Variants in NOTCH4 observed in about 807,000 individuals in gnomAD.
The protein encoded by NOTCH4 is notch receptor 4, also known as neurogenic locus notch homolog protein 4.
A neutral mutation model predicts 189.0 loss-of-function variants in NOTCH4; 138 were observed. The observed-to-expected ratio is 0.73, with a 90% CI of 0.64 to 0.84. The LOEUF (loss-of-function observed/expected upper bound fraction) is 0.84, where lower values mean the gene tolerates loss of function less well. Among genes scored for constraint, NOTCH4 ranks in the 40% least tolerant of loss-of-function variants. The pLI, the probability that NOTCH4 is intolerant of heterozygous loss-of-function variation, is 0.00. For missense variants in NOTCH4, 2,286 were observed against 2,605.4 expected (o/e 0.88, Z 2.67); for synonymous variants, 942 against 1,032.8 (o/e 0.91, Z 1.69).
rs778409133 is a variant in NOTCH4, at chr6:32,222,788, C to T, written c.174G>A (p.Leu58=). The change falls in exon 3 of 30, where the codon CTG becomes CTA. Residue 58 remains leucine, a synonymous_variant. Coordinates refer to ENST00000375023, the MANE Select transcript of NOTCH4 (RefSeq NM_004557.4). ...GGTCAGGAAACTGGCACGTCTCACC[C>T]AGGAAGCCAGGGGCACACCTGGGCA... The part of the protein sequence containing the change: ...QGTCQCAPGF[L]GETCQFPDPC... 1.2e-5 allele frequency: 19 copies of T among 1,610,134 alleles called. No individual in the cohort carries two copies. The highest frequency in any genetic ancestry group is 4.0e-5 in the African/African-American group (3 of 74,578).
Position 32,196,067 on chromosome 6 carries a change from C to G in NOTCH4, c.5382G>C (p.Glu1794Asp). The change falls in exon 30 of 30, where the codon GAG becomes GAC. Residue 1794 changes from glutamate (E) to aspartate (D), a missense_variant. Physicochemically the swap from Glu to Asp is conservative, Grantham distance 45. Transcript: ENST00000375023. ...GCGCTAGCCCAGCCTGGTCCCGCAG[C>G]TCTCGGGCTGCCCCCAGCCCCAGCA... ...QLLLGLGAARELRDQAGLAPA... is the reference protein window; with the variant it reads ...QLLLGLGAARDLRDQAGLAPA... 1 of 1,593,330 alleles carries G rather than the reference C, an allele frequency of 6.3e-7. No individual in the cohort carries two copies. Among genetic ancestry groups the G allele is most frequent in the Non-Finnish European group, 8.5e-7 (1 of 1,176,830 alleles).
chr6:32,219,520 G>A (rs1418880809), intron 8 of NOTCH4, 72 bp downstream of exon 8: 15 of 1,368,956 alleles, frequency 1.1e-5, no homozygotes, highest in Non-Finnish European at 1.5e-5. Context: ...TCCTTACTCT[G>A]GAGGGGGCAT....
rs780905357 is a variant in NOTCH4, at chr6:32,196,044, G to T, written c.5405C>A (p.Ala1802Glu). ...ACGTTGGTGAGCGACGTCCGCCGGC[G>T]CTAGCCCAGCCTGGTCCCGCAGCTC... ...ARELRDQAGL[A>E]PADVAHQRNH... The change falls in exon 30 of 30, where the codon GCG (alanine) becomes GAG (glutamate). Residue 1802 changes from alanine (A) to glutamate (E), a missense_variant. Physicochemically the swap from Ala to Glu is moderately radical, Grantham distance 107. Transcript: ENST00000375023. 82 of 1,594,264 alleles carry T rather than the reference G, an allele frequency of 5.1e-5. No homozygotes were observed. The African/African-American group carries it at 6.8e-4, about 13-fold the overall frequency.
rs1382285396 is a variant in NOTCH4, at chr6:32,200,601, G to A, written c.4315+230C>T. Among the ~76,000 whole-genome samples, 1 of 152,194 alleles carries A rather than the reference G, an allele frequency of 6.6e-6. No homozygotes were observed. The highest frequency in any genetic ancestry group is 2.4e-5 in the African/African-American group (1 of 41,440). On this transcript the variant is annotated intron_variant, in intron 23 of 29. Coordinates refer to ENST00000375023, the MANE Select transcript of NOTCH4 (RefSeq NM_004557.4). The surrounding 1 kb of genome is among the most constrained non-coding windows in gnomAD (Gnocchi z 5.0). The stretch of plus-strand genomic sequence containing the variant: ...AAGATAAACCATCCCTTTGTTGGAG[G>A]GCTATGACAGAGGTTAGGATAATGT...
chr6:32,197,124 G>T, intron 27 of NOTCH4, 52 bp from the exon 28 acceptor site: 1 of 1,597,694 alleles, frequency 6.3e-7, no homozygotes, highest in Non-Finnish European at 8.5e-7. Flanking sequence ...CTGCCAACTC[G>T]AGTTCCTTAC....
In NOTCH4 at chr6:32,202,330, C is replaced by T. The variant is rs1458330015; in HGVS notation, c.3501G>A (p.Gly1167=). 1.2e-6 allele frequency: 2 copies of T among 1,612,878 alleles called. No individual in the cohort carries two copies. The highest frequency in any genetic ancestry group is 1.7e-6 in the Non-Finnish European group (2 of 1,179,948). The change falls in exon 21 of 30, where the codon GGG becomes GGA. Residue 1167 remains glycine, a synonymous_variant. Transcript: ENST00000375023. The surrounding 1 kb of genome is among the most constrained non-coding windows in gnomAD (Gnocchi z 5.7). ...FRCSCPHSSP[G]PRCQKPGAKG... ...TGGCTCCGGGTTTCTGACACCGGGG[C>T]CCTGGAGAGCTGTGAGGGCAGGAGC...
intron 17 of NOTCH4, among the ~76,000 whole-genome samples, 180 bp from the exon 18 acceptor site, chr6:32,211,116 C>T (rs559512154): frequency 2.6e-5 from 4 of 151,650 alleles, no homozygotes; most frequent in Non-Finnish European, 4.4e-5. Context: ...AAAAATTGGT[C>T]GGGCGTTGTG....
In NOTCH4 at chr6:32,212,938, T is replaced by A; in HGVS notation, c.2439-27A>T. ...TGAACAAGACAGAGACAGGGCATGA[T>A]AGGAAGAAGTTCGGGCAACAAGGGG... On this transcript the variant is annotated intron_variant, in intron 15 of 29. Transcript: ENST00000375023. This position sits in a 1 kb window ranked among gnomAD's most constrained non-coding sequence, Gnocchi z 4.4. 1 of 1,551,134 alleles carries A rather than the reference T, an allele frequency of 6.4e-7. No individual in the cohort carries two copies. The highest frequency in any genetic ancestry group is 8.7e-7 in the Non-Finnish European group (1 of 1,143,394).
chr6:32,220,699 G>C, intron 5 of NOTCH4, 57 bp downstream of exon 5: 1 of 1,612,714 alleles, frequency 6.2e-7, no homozygotes, highest in Middle Eastern at 1.7e-4. Flanking sequence ...GAGTAGGGGA[G>C]GCCAGGGGCC....
rs761647763 is a variant in NOTCH4, at chr6:32,202,298, C to T, written c.3533G>A (p.Cys1178Tyr). ...PRCQKPGAKG[C>Y]EGRSGDGACD... Reference sequence around the variant, plus strand: ...GGCCCCATCTCCACTTCTGCCCTCACACCCCTTGGCTCCGGGTTTCTGACA... The same window carrying T: ...GGCCCCATCTCCACTTCTGCCCTCATACCCCTTGGCTCCGGGTTTCTGACA... Residue 1178 changes from cysteine (C) to tyrosine (Y), a missense_variant, in exon 21 of 30, where the codon TGT becomes TAT. Physicochemically the swap from Cys to Tyr is radical, Grantham distance 194. Transcript: ENST00000375023. This position sits in a 1 kb window ranked among gnomAD's most constrained non-coding sequence, Gnocchi z 5.7. 1.9e-6 allele frequency: 3 copies of T among 1,609,754 alleles called. No homozygotes were observed. The highest frequency in any genetic ancestry group is 1.1e-5 in the South Asian group (1 of 90,950).
At chr6:32,197,103 G>T in intron 27 of NOTCH4, 31 bp from the exon 28 acceptor site, 1 of 1,608,556 alleles carries the variant, frequency 6.2e-7, no homozygotes, top group Non-Finnish European at 8.5e-7. Context: ...TGACCCCTGG[G>T]GTACCTTGGA....
chr6:32,210,899 G>C lies in NOTCH4; in HGVS notation c.2718C>G (p.Leu906=). The stretch of plus-strand genomic sequence containing the variant: ...AATAGGAGGGGCCGCTGTCGACACA[G>C]AGGCCTCCATTGTGGCAAAGGGAAG... ...DVSSLCHNGG[L]CVDSGPSYFC... The change falls in exon 18 of 30, where the codon CTC becomes CTG. Residue 906 remains leucine (L), a synonymous_variant. Transcript: ENST00000375023. The surrounding 1 kb of genome is among the most constrained non-coding windows in gnomAD (Gnocchi z 4.8). 6.2e-7 allele frequency: 1 copy of C among 1,609,842 alleles called. No homozygotes were observed. The highest frequency in any genetic ancestry group is 8.5e-7 in the Non-Finnish European group (1 of 1,178,426).
Position 32,212,508 on chromosome 6 carries a change from T to A in NOTCH4, c.2646A>T (p.Pro882=). ...QGWTGPLCNL[P]LSSCQKAALS... Reference sequence around the variant, plus strand: ...GTGCAGCCTTCTGGCAGGAGGACAGTGGAAGGTTGCAGAGAGGCCCGGTCC... The same window carrying A: ...GTGCAGCCTTCTGGCAGGAGGACAGAGGAAGGTTGCAGAGAGGCCCGGTCC... Residue 882 remains proline (P), a synonymous_variant, in exon 17 of 30, where the codon CCA becomes CCT. Transcript: ENST00000375023. This position sits in a 1 kb window ranked among gnomAD's most constrained non-coding sequence, Gnocchi z 4.4. The A allele has an allele frequency of 5.0e-6, 8 of 1,612,498 alleles. No individual in the cohort carries two copies. Among genetic ancestry groups the A allele is most frequent in the Non-Finnish European group, 6.8e-6 (8 of 1,179,704 alleles).
rs1266141466 is a variant in NOTCH4, at chr6:32,195,191, T to G, written c.*246A>C. 2 of 533,140 alleles carry G rather than the reference T, an allele frequency of 3.8e-6. No homozygotes were observed. Among genetic ancestry groups the G allele is most frequent in the Non-Finnish European group, 6.6e-6 (2 of 304,930 alleles). The allele number at this position is 533,140 out of a possible 1,614,324, so 33.0% of individuals were successfully genotyped here. A position where few individuals can be genotyped will look rare whatever the true frequency, so the allele number is the denominator to read the frequency against. On this transcript the variant is annotated 3_prime_UTR_variant, in exon 30 of 30. Coordinates refer to ENST00000375023, the MANE Select transcript of NOTCH4 (RefSeq NM_004557.4). This position sits in a 1 kb window ranked among gnomAD's most constrained non-coding sequence, Gnocchi z 5.4. ...GTATTTCCACTCCACTCTGCCCTCC[T>G]GTGGCCTGTCTTATTTTCTGGAGGA...
rs1266795183 is a variant in NOTCH4 at position 32,223,987 on chromosome 6, G to A, written c.-59C>T. ...CCCTCTTCAGGCAGGGACCCTCAGA[G>A]CTCTCACTGGGGCAGGAGCCACCTC... is the stretch of plus-strand genomic sequence containing the variant. On this transcript the variant is annotated 5_prime_UTR_variant, in exon 1 of 30. Coordinates refer to ENST00000375023, the MANE Select transcript of NOTCH4 (RefSeq NM_004557.4). 12 of 1,519,030 alleles carry A rather than the reference G, an allele frequency of 7.9e-6. No individual in the cohort carries two copies. The highest frequency in any genetic ancestry group is 8.8e-7 in the Non-Finnish European group (1 of 1,137,004). 94.1% of individuals were successfully genotyped at this position (1,519,030 alleles called of 1,614,324 possible). A position where few individuals can be genotyped will look rare whatever the true frequency, so the allele number is the denominator to read the frequency against.
chr6:32,197,088 G>A lies in NOTCH4; in HGVS notation c.5053-16C>T, dbSNP rs1307844415. The stretch of plus-strand genomic sequence containing the variant: ...GGAGCAGAAGCTGGGGAGACAGAGG[G>A]CCAGTGACCCCTGGGGTACCTTGGA... On this transcript the variant is annotated splice_polypyrimidine_tract_variant and intron_variant, in intron 27 of 29. Transcript: ENST00000375023. 8.1e-6 allele frequency: 13 copies of A among 1,611,240 alleles called. No homozygotes were observed. In the Admixed American group the frequency reaches 1.8e-4, roughly 23 times the overall value.
intron 18 of NOTCH4, among the ~76,000 whole-genome samples, chr6:32,208,280 C>T (rs960652731): frequency 1.3e-5 from 2 of 152,038 alleles, no homozygotes; most frequent in African/African-American, 2.4e-5. Flanking sequence ...CTACCACCAC[C>T]GACAAATAAT....
Position 32,216,956 on chromosome 6 carries a change from G to C in NOTCH4, c.1850C>G (p.Ser617Cys). Reference sequence around the variant, plus strand: ...CCTCCCCTGTGAACCTGTGAAACCAGAGGGGCAGAGGCAAAAGAAGGCTCC... The same window carrying C: ...CCTCCCCTGTGAACCTGTGAAACCACAGGGGCAGAGGCAAAAGAAGGCTCC... ...LPGAFFCLCP[S>C]GFTGQLCEVP... The change falls in exon 11 of 30, where the codon TCT becomes TGT. Residue 617 changes from serine (S) to cysteine (C), a missense_variant. Physicochemically the swap from Ser to Cys is moderately radical, Grantham distance 112 (BLOSUM62 -1). Around this residue, in one of 2 missense-constraint regions of NOTCH4, gnomAD observed 1,903 missense variants for 2,261.9 expected, o/e 0.84. Transcript: ENST00000375023. The C allele has an allele frequency of 2.5e-6, 4 of 1,613,128 alleles. No homozygotes were observed. Among genetic ancestry groups the C allele is most frequent in the Non-Finnish European group, 3.4e-6 (4 of 1,180,042 alleles).
At position 32,221,362 on chromosome 6, in the gene NOTCH4, G is replaced by T. The variant is rs1336305406; in HGVS notation, c.452-37C>A. On this transcript the variant is annotated intron_variant, in intron 3 of 29. Transcript: ENST00000375023. The surrounding 1 kb of genome is among the most constrained non-coding windows in gnomAD (Gnocchi z 4.3). ...GACAGAGGGAGCCGTTTCTAGCATT[G>T]TACGAATTCTAGCCCATCTGAGGTT... 1 of 1,522,176 alleles carries T rather than the reference G, an allele frequency of 6.6e-7. No individual in the cohort carries two copies. The highest frequency in any genetic ancestry group is 9.0e-7 in the Non-Finnish European group (1 of 1,109,032). The allele number at this position is 1,522,176 out of a possible 1,614,324, so 94.3% of individuals were successfully genotyped here.
Sources: allele counts gnomAD v4.1 joint callset (sites outside exome capture counted in the v4.1 genomes callset), GRCh38; gene constraint gnomAD v4.1.1; regional missense constraint gnomAD v4.1.1; non-coding constraint Gnocchi (gnomAD v3.1); transcripts MANE v1.5; gene names NCBI Gene and HGNC (gene_info 2026-07-23, HGNC 2026-07-21).